LRP1B: variants seen among roughly 807,000 people sequenced by gnomAD.
LRP1B encodes the protein low-density lipoprotein receptor-related protein 1B.
Under a neutral mutation model 556.6 loss-of-function variants are expected in LRP1B, and 217 were observed. That is an observed-to-expected ratio of 0.39 (90% confidence interval 0.35 to 0.44). The LOEUF (loss-of-function observed/expected upper bound fraction) is 0.44. Among genes scored for constraint, LRP1B ranks in the 20% least tolerant of loss-of-function variants. The probability of loss-of-function intolerance (pLI) is 1.00; values close to 1 mark genes in which losing one functional copy is unlikely to be tolerated. For synonymous variants in LRP1B, 2,047 were observed against 1,865.8 expected, an observed-to-expected ratio of 1.10 and a Z score of -2.50; for missense variants, 5,053 against 5,620.8, an observed-to-expected ratio of 0.90 and a Z score of 3.23.
intron 6 of LRP1B, among the ~76,000 whole-genome samples, chr2:141,212,276 T>G (rs1272823037): frequency 6.5e-5 from 5 of 77,316 alleles, no homozygotes; most frequent in African/African-American, 2.0e-4. Flanking sequence ...TTTTTTTTTT[T>G]TTTTTTTTTT....
At chr2:141,158,307 A>G (rs1037645133) in intron 7 of LRP1B, among the ~76,000 whole-genome samples, 60 of 152,214 alleles carry the variant, frequency 3.9e-4, no homozygotes, top group African/African-American at 1.3e-3. Context: ...AGTCAAGAGC[A>G]GCTGAACTCA....
chr2:142,078,259 T>A (rs747739820), intron 1 of LRP1B, among the ~76,000 whole-genome samples: 2 of 152,162 alleles, frequency 1.3e-5, no homozygotes, highest in Non-Finnish European at 2.9e-5. Context: ...GTCTTATCCA[T>A]CATTTCATGG....
intron 82 of LRP1B, among the ~76,000 whole-genome samples, chr2:140,316,471 A>G (rs1209976401): frequency 6.6e-6 from 1 of 152,148 alleles, no homozygotes; most frequent in Non-Finnish European, 1.5e-5. Flanking sequence ...TGCCTCATTG[A>G]AAAGTTTCTA....
intron 2 of LRP1B, chr2:141,805,292 C>T (rs939223445): frequency 1.1e-4 from 17 of 152,082 alleles, no homozygotes; most frequent in African/African-American, 3.9e-4. Context: ...ATAGAAGAAG[C>T]CTGTTGTCAT....
chr2:140,387,857 T>C (rs528917146), intron 66 of LRP1B, among the ~76,000 whole-genome samples: 5 of 152,138 alleles, frequency 3.3e-5, no homozygotes, highest in African/African-American at 1.2e-4. Flanking sequence ...ATTTGCCAGT[T>C]ATAATAAACT....
intron 6 of LRP1B, among the ~76,000 whole-genome samples, chr2:141,199,906 T>TA (rs942792108): frequency 2.0e-5 from 3 of 152,000 alleles, no homozygotes; most frequent in African/African-American, 7.3e-5. Flanking sequence ...TGACTATTAT[T>TA]AAAAAGACAA....
rs78656933 is a variant in LRP1B at position 141,190,808 on chromosome 2, C to A, written c.851-2225G>T. On this transcript the variant is annotated intron_variant, in intron 6 of 90. Coordinates refer to ENST00000389484, the MANE Select transcript of LRP1B (RefSeq NM_018557.3). Reference sequence around the variant, plus strand: ...CTAAACAGAGTGACAAGCTTATGAACAGTCTACTCCACAATATGGCACTTT... The same window carrying A: ...CTAAACAGAGTGACAAGCTTATGAAAAGTCTACTCCACAATATGGCACTTT... Among the ~76,000 whole-genome samples the A allele has an allele frequency of 9.1e-3, 1,391 of 152,036 alleles. 12 individuals carry two copies. Among genetic ancestry groups the A allele is most frequent in the Non-Finnish European group, 0.014 (966 of 67,938 alleles).
rs188903537 is a variant in LRP1B, at chr2:140,261,348, G to A, written c.13247+8894C>T. Among the ~76,000 whole-genome samples, 472 of 151,770 alleles carry A rather than the reference G, an allele frequency of 3.1e-3. 2 individuals carry two copies. Among genetic ancestry groups the A allele is most frequent in the African/African-American group, 0.01 (435 of 41,430 alleles). On this transcript the variant is annotated intron_variant, in intron 86 of 90. Transcript: ENST00000389484. ...CCAAATCCATTATTTTACAGACAAG[G>A]GAAATGGGACACACAGAGGGGATGT...
chr2:141,343,798 C>T (rs1268251640), intron 3 of LRP1B, among the ~76,000 whole-genome samples: 3 of 152,280 alleles, frequency 2.0e-5, no homozygotes, highest in Admixed American at 6.5e-5. Context: ...TAAGCATGTG[C>T]TCATTAGTGT....
intron 1 of LRP1B, among the ~76,000 whole-genome samples, chr2:141,939,796 T>C (rs181657577): frequency 2.6e-5 from 4 of 152,130 alleles, no homozygotes; most frequent in African/African-American, 7.2e-5. Context: ...ATTTACACCA[T>C]TGAAATTGGC....
intron 20 of LRP1B, among the ~76,000 whole-genome samples, chr2:140,936,155 C>T (rs570441801): frequency 6.6e-5 from 10 of 151,230 alleles, no homozygotes; most frequent in East Asian, 3.9e-4. Context: ...GCCTGATCAA[C>T]GTGGTAAAAC....
At chr2:141,276,088 C>T (rs1052995912) in intron 3 of LRP1B, among the ~76,000 whole-genome samples, 5 of 152,252 alleles carry the variant, frequency 3.3e-5, no homozygotes, top group African/African-American at 1.2e-4. Flanking sequence ...TTTAATGGAT[C>T]ATATTTTTTT....
chr2:141,067,273 A>G (rs945913309), intron 7 of LRP1B, among the ~76,000 whole-genome samples: 3 of 152,038 alleles, frequency 2.0e-5, no homozygotes, highest in African/African-American at 7.2e-5. Context: ...TGAGTCTTTG[A>G]AATAAAAGGT....
At chr2:140,672,745 A>G (rs1043799778) in intron 41 of LRP1B, among the ~76,000 whole-genome samples, 7 of 152,114 alleles carry the variant, frequency 4.6e-5, no homozygotes, top group African/African-American at 1.7e-4. Context: ...TTTCTCTTAC[A>G]GTCCAAACTG....
At chr2:140,843,519 T>C (rs910632356) in intron 29 of LRP1B, among the ~76,000 whole-genome samples, 4 of 152,118 alleles carry the variant, frequency 2.6e-5, no homozygotes, top group Non-Finnish European at 5.9e-5. Context: ...CCAGTCTTAT[T>C]TCTCACTATT....
chr2:141,803,906 A>G (rs1210810525), intron 2 of LRP1B, among the ~76,000 whole-genome samples: 1 of 152,104 alleles, frequency 6.6e-6, no homozygotes, highest in African/African-American at 2.4e-5. Context: ...CTACTACCTA[A>G]ATAAAGTTTA....
chr2:140,364,927 G>T, intron 71 of LRP1B, 144 bp from the exon 72 acceptor site: 1 of 588,870 alleles, frequency 1.7e-6, no homozygotes, highest in Non-Finnish European at 2.8e-6. Context: ...CATAATACCA[G>T]GAACAAGTAA....
At chr2:142,034,313 A>G (rs1484870982) in intron 1 of LRP1B, among the ~76,000 whole-genome samples, 1 of 151,750 alleles carries the variant, frequency 6.6e-6, no homozygotes, top group African/African-American at 2.4e-5. Context: ...TTAATATCTA[A>G]TTTCTTTATG....
At chr2:141,218,145 G>A (rs1200192136) in intron 6 of LRP1B, among the ~76,000 whole-genome samples, 1 of 152,166 alleles carries the variant, frequency 6.6e-6, no homozygotes, top group East Asian at 1.9e-4. Flanking sequence ...TTGTAAATTA[G>A]TTCTCGATTG....
Sources: allele counts gnomAD v4.1 joint callset (sites outside exome capture counted in the v4.1 genomes callset), GRCh38; gene constraint gnomAD v4.1.1; transcripts MANE v1.5; gene names NCBI Gene and HGNC (gene_info 2026-07-23, HGNC 2026-07-21).